RANBP2: variants seen among roughly 807,000 people sequenced by gnomAD.
RANBP2 encodes the protein E3 SUMO-protein ligase RanBP2.
RANBP2 carries 57 observed loss-of-function variants against 303.6 expected under a neutral mutation model. The ratio of observed to expected loss-of-function variants is 0.19; its 90% CI spans 0.15 to 0.23. RANBP2 has a LOEUF of 0.23. Among genes scored for constraint, RANBP2 ranks in the 10% least tolerant of loss-of-function variants. RANBP2 has a pLI of 1.00. For synonymous variants in RANBP2, 1,167 were observed against 1,301.5 expected, an observed-to-expected ratio of 0.90 and a Z score of 2.23; for missense variants, 3,138 against 3,780.8, an observed-to-expected ratio of 0.83 and a Z score of 4.46.
chr2:108,907,249 C>T, the RANBP2 span, among the ~76,000 whole-genome samples: 2 of 152,166 alleles, frequency 1.3e-5, no homozygotes, highest in African/African-American at 2.4e-5. Flanking sequence ...GATAAAACCC[C>T]GTATATTTAC....
At chr2:109,321,925 G>C in the RANBP2 span, among the ~76,000 whole-genome samples, 1 of 152,218 alleles carries the variant, frequency 6.6e-6, no homozygotes, top group East Asian at 1.9e-4. Context: ...CTGAAGGGGA[G>C]ATGGGGCCCT....
chr2:109,275,941 A>T, the RANBP2 span, among the ~76,000 whole-genome samples: 1 of 152,136 alleles, frequency 6.6e-6, no homozygotes, highest in Non-Finnish European at 1.5e-5. Flanking sequence ...TGACCATGGA[A>T]TGGATTTATA....
chr2:109,761,254 CA>C, the RANBP2 span, among the ~76,000 whole-genome samples: 5 of 148,210 alleles, frequency 3.4e-5, no homozygotes, highest in Admixed American at 3.4e-4. Flanking sequence ...GTCTCGGCTG[CA>C]TCCTTTCTGT....
the RANBP2 span, among the ~76,000 whole-genome samples, chr2:109,270,623 C>A: frequency 6.6e-6 from 1 of 152,188 alleles, no homozygotes; most frequent in African/African-American, 2.4e-5. Flanking sequence ...CAGGGCATGA[C>A]CCAGAGATAC....
the RANBP2 span, chr2:108,930,213 T>G: frequency 3.1e-6 from 5 of 1,614,130 alleles, no homozygotes; most frequent in Middle Eastern, 1.6e-4. Flanking sequence ...AGTTTGAGTA[T>G]TCCGCTCGGG....
chr2:109,352,051 C>T, the RANBP2 span, among the ~76,000 whole-genome samples: 4 of 152,172 alleles, frequency 2.6e-5, no homozygotes, highest in East Asian at 1.9e-4. Context: ...AATCATGGCA[C>T]GTTTCTTTAA....
chr2:108,934,396 G>T, the RANBP2 span, among the ~76,000 whole-genome samples: 1 of 152,164 alleles, frequency 6.6e-6, no homozygotes, highest in Admixed American at 6.5e-5. Flanking sequence ...ATCTCCATCA[G>T]TGCCTGGCGA....
chr2:108,786,644 T>TG, downstream of RANBP2: 5 of 626,008 alleles, frequency 8.0e-6, no homozygotes, highest in Non-Finnish European at 1.4e-5. Context: ...ACGAGAAACT[T>TG]GGAGGACGCG....
the RANBP2 span, among the ~76,000 whole-genome samples, chr2:109,496,761 A>G: frequency 4.2e-5 from 6 of 143,666 alleles, no homozygotes; most frequent in East Asian, 4.2e-4. Context: ...ACTCATGACT[A>G]TGTTACCATA....
At chr2:109,696,945 T>G in the RANBP2 span, among the ~76,000 whole-genome samples, 12 of 152,126 alleles carry the variant, frequency 7.9e-5, no homozygotes, top group African/African-American at 2.9e-4. Context: ...GCCCAGCTAA[T>G]TTTTAAATTT....
the RANBP2 span, among the ~76,000 whole-genome samples, chr2:108,868,543 G>A: frequency 1.3e-5 from 2 of 152,116 alleles, no homozygotes; most frequent in Non-Finnish European, 2.9e-5. Flanking sequence ...TCTGGAGACT[G>A]TAACACCTAA....
At chr2:109,143,466 G>A in the RANBP2 span, among the ~76,000 whole-genome samples, 7 of 152,262 alleles carry the variant, frequency 4.6e-5, no homozygotes, top group Middle Eastern at 0.017. Context: ...CAGTGGGCTG[G>A]GTGCAGTGGC....
chr2:108,966,219 C>G, the RANBP2 span, among the ~76,000 whole-genome samples: 1 of 152,188 alleles, frequency 6.6e-6, no homozygotes, highest in Non-Finnish European at 1.5e-5. Flanking sequence ...AATGCAAAGA[C>G]CTGTCTGCCT....
At chr2:108,957,041 C>T in the RANBP2 span, among the ~76,000 whole-genome samples, 2 of 152,234 alleles carry the variant, frequency 1.3e-5, no homozygotes, top group African/African-American at 2.4e-5. Flanking sequence ...CTGCCTGCCT[C>T]GGCCTCCCAA....
the RANBP2 span, among the ~76,000 whole-genome samples, chr2:109,272,629 C>T: frequency 1.5e-4 from 23 of 152,216 alleles, no homozygotes; most frequent in Non-Finnish European, 2.4e-4. Flanking sequence ...CACATGCTTC[C>T]GCACAGACAC....
chr2:108,752,900 G>C (rs936562447), intron 12 of RANBP2, 98 bp from the exon 13 acceptor site: 13 of 1,604,294 alleles, frequency 8.1e-6, no homozygotes, highest in Non-Finnish European at 1.1e-5. Flanking sequence ...ATTTGGTTTT[G>C]ACTTGAAATT....
the RANBP2 span, chr2:109,564,627 T>C: frequency 1.8e-6 from 2 of 1,119,750 alleles, no homozygotes; most frequent in African/African-American, 1.6e-5. Flanking sequence ...AATGAAAACA[T>C]GTGAAACAAC....
the RANBP2 span, chr2:108,846,655 C>A: frequency 1.6e-6 from 2 of 1,233,290 alleles, no homozygotes; most frequent in Non-Finnish European, 2.3e-6. Context: ...CCAACCTGGG[C>A]AACAGAGCAA....
At chr2:109,585,904 G>C in the RANBP2 span, 1 of 1,177,964 alleles carries the variant, frequency 8.5e-7, no homozygotes, top group Non-Finnish European at 1.3e-6. Flanking sequence ...ATAGGATGTA[G>C]GCACACTTGA....
Sources: allele counts gnomAD v4.1 joint callset (sites outside exome capture counted in the v4.1 genomes callset), GRCh38; gene constraint gnomAD v4.1.1; transcripts MANE v1.5; gene names NCBI Gene and HGNC (gene_info 2026-07-23, HGNC 2026-07-21).